The following PTGER3 variants were observed in gnomAD, a reference collection of about 807,000 sequenced individuals.
PTGER3 encodes prostaglandin E receptor 3, also known as prostaglandin E2 receptor EP3 subtype.
PTGER3 carries 22 observed loss-of-function variants against 34.7 expected under a neutral mutation model. The ratio of observed to expected loss-of-function variants is 0.63; its 90% CI spans 0.45 to 0.91. The LOEUF (loss-of-function observed/expected upper bound fraction) is 0.91, where lower values mean the gene tolerates loss of function less well. Ranked by LOEUF, PTGER3 falls within the 40% of genes least tolerant of loss-of-function variation. The pLI, the probability that PTGER3 is intolerant of heterozygous loss-of-function variation, is 0.00. For missense variants in PTGER3, 468 were observed against 519.4 expected (o/e 0.90, Z 0.96); for synonymous variants, 241 against 230.1 (o/e 1.05, Z -0.43).
intron 1 of PTGER3, among the ~76,000 whole-genome samples, chr1:71,018,040 C>T (rs77047058): frequency 0.011 from 1,737 of 152,242 alleles, 41 homozygotes; most frequent in African/African-American, 0.039. Flanking sequence ...GCTGGGATTA[C>T]AGGCGTGAGT....
chr1:70,918,186 A>T (rs1346433197), intron 4 of PTGER3, among the ~76,000 whole-genome samples: 1 of 152,030 alleles, frequency 6.6e-6, no homozygotes. Context: ...GGAAAAACTG[A>T]ATATCCACAT....
rs967319011 is a variant in PTGER3, at chr1:70,925,971, A to G, written c.*23+27792T>C. ...ATATTGCATTTTTGAACCACAATGT[A>G]TCCCCTGGGGCTACACAGAGACTAC... On this transcript the variant is annotated intron_variant, in intron 4 of 4. Transcript: ENST00000370931. 2.6e-5 allele frequency among the ~76,000 whole-genome samples: 4 copies of G among 152,198 alleles called. 1 individual carries two copies. Among genetic ancestry groups the G allele is most frequent in the South Asian group, 4.1e-4 (2 of 4,834 alleles).
chr1:70,878,304 G>A (rs535239173), intron 4 of PTGER3, among the ~76,000 whole-genome samples: 3 of 151,998 alleles, frequency 2.0e-5, no homozygotes, highest in Non-Finnish European at 4.4e-5. Context: ...GTTTCCGTGG[G>A]ATCAGTGGTA....
chr1:70,930,594 C>T (rs532990659), intron 4 of PTGER3, among the ~76,000 whole-genome samples: 17 of 152,060 alleles, frequency 1.1e-4, no homozygotes, highest in Non-Finnish European at 1.6e-4. Flanking sequence ...GCTAGGGGGG[C>T]CTCAGAATCA....
At chr1:70,972,181 G>A (rs570158480) in intron 3 of PTGER3, among the ~76,000 whole-genome samples, 1 of 152,144 alleles carries the variant, frequency 6.6e-6, no homozygotes, top group Admixed American at 6.5e-5. Flanking sequence ...AAATTAGCTG[G>A]GTGTGGTGGT....
rs181034575 is a variant in PTGER3 at position 70,907,645 on chromosome 1, G to A, written c.*23+46118C>T. On this transcript the variant is annotated intron_variant, in intron 4 of 4. Transcript: ENST00000370931. ...ATCATGAAATGAATGGTACTTTTGC[G>A]ATCAGGCATGAGCATGTCCGGGGGA... 1.3e-3 allele frequency among the ~76,000 whole-genome samples: 194 copies of A among 152,294 alleles called. 2 individuals carry two copies. The highest frequency in any genetic ancestry group is 6.8e-3 in the Middle Eastern group (2 of 294).
At chr1:70,947,860 T>A (rs1650365550), downstream of PTGER3, among the ~76,000 whole-genome samples, 1 of 152,212 alleles carries the variant, frequency 6.6e-6, no homozygotes, top group African/African-American at 2.4e-5. Flanking sequence ...TAAAAATGTT[T>A]ACATATATGT....
At chr1:70,917,124 C>A (rs12125331) in intron 4 of PTGER3, among the ~76,000 whole-genome samples, 52,904 of 151,630 alleles carry the variant, frequency 0.35, 9,448 homozygotes, top group Middle Eastern at 0.51. Flanking sequence ...AACACCAAAA[C>A]TTATTCTTCC....
intron 4 of PTGER3, among the ~76,000 whole-genome samples, chr1:70,917,944 A>G (rs1322133743): frequency 6.6e-6 from 1 of 152,064 alleles, no homozygotes; most frequent in African/African-American, 2.4e-5. Flanking sequence ...TATAATCTGG[A>G]TATTAATGCC....
chr1:71,007,591 C>A (rs1396056987), intron 2 of PTGER3: 1 of 985,192 alleles, frequency 1.0e-6, no homozygotes, highest in Admixed American at 6.2e-5. Context: ...TCCATCATAT[C>A]TTTTTCTATG....
At chr1:70,928,893 ACAC>A (rs879463117) in intron 4 of PTGER3, among the ~76,000 whole-genome samples, 2,531 of 151,724 alleles carry the variant, frequency 0.017, 40 homozygotes, top group African/African-American at 0.04. Context: ...ACACACACAC[ACAC>A]TATATATATA....
chr1:71,030,956 G>A (rs1659359782), intron 1 of PTGER3, among the ~76,000 whole-genome samples: 1 of 151,882 alleles, frequency 6.6e-6, no homozygotes, highest in Non-Finnish European at 1.5e-5. Flanking sequence ...GCATTATAGT[G>A]TACAAAAGCC....
At chr1:70,864,430 GC>G (rs1645996799) in intron 4 of PTGER3, among the ~76,000 whole-genome samples, 1 of 152,176 alleles carries the variant, frequency 6.6e-6, no homozygotes, top group African/African-American at 2.4e-5. Context: ...AAATGAAGGA[GC>G]TGTGATAGTT....
Position 70,852,616 on chromosome 1 carries a change from G to A in PTGER3, c.*267C>T, listed in dbSNP as rs564313203. ...GCAAATATAAATTCACAAAACAATAGGACATAAGTTTAATTGATGTATGTA... is the reference window on the plus strand; with the variant it reads ...GCAAATATAAATTCACAAAACAATAAGACATAAGTTTAATTGATGTATGTA... On this transcript the variant is annotated 3_prime_UTR_variant, in exon 5 of 5. Transcript: ENST00000370931. 155 of 593,792 alleles carry A rather than the reference G, an allele frequency of 2.6e-4. 2 individuals are homozygous for A. In the South Asian group the frequency reaches 2.8e-3, roughly 11 times the overall value. 36.8% of individuals were successfully genotyped at this position (593,792 alleles called of 1,614,324 possible).
intron 3 of PTGER3, among the ~76,000 whole-genome samples, chr1:70,973,635 T>G (rs968910441): frequency 2.6e-5 from 4 of 152,158 alleles, no homozygotes; most frequent in Non-Finnish European, 5.9e-5. Flanking sequence ...TTCAACTCAT[T>G]TGATAAGTCA....
intron 4 of PTGER3, among the ~76,000 whole-genome samples, chr1:70,925,825 T>A (rs1287614380): frequency 6.6e-6 from 1 of 152,168 alleles, no homozygotes; most frequent in Non-Finnish European, 1.5e-5. Context: ...TTCTAGGATG[T>A]AAGTCGGTAG....
At chr1:70,868,817 T>C (rs1572500835) in intron 4 of PTGER3, among the ~76,000 whole-genome samples, 1 of 152,232 alleles carries the variant, frequency 6.6e-6, no homozygotes, top group East Asian at 1.9e-4. Context: ...ATAGCTGCTC[T>C]GTAACTGTAC....
chr1:70,905,580 C>T (rs1389093011), intron 4 of PTGER3, among the ~76,000 whole-genome samples: 1 of 152,122 alleles, frequency 6.6e-6, no homozygotes, highest in East Asian at 1.9e-4. Context: ...TTTGACTGCC[C>T]TGCTGGATTT....
intron 4 of PTGER3, among the ~76,000 whole-genome samples, chr1:70,894,045 C>T (rs1032088125): frequency 2.6e-5 from 4 of 152,248 alleles, no homozygotes; most frequent in East Asian, 3.9e-4. Context: ...TGGTGGCTCA[C>T]GCCAGTAATC....
Sources: allele counts gnomAD v4.1 joint callset (sites outside exome capture counted in the v4.1 genomes callset), GRCh38; gene constraint gnomAD v4.1.1; transcripts MANE v1.5; gene names NCBI Gene and HGNC (gene_info 2026-07-23, HGNC 2026-07-21).